AGBL1: variants seen among roughly 807,000 people sequenced by gnomAD.
AGBL1 encodes the protein AGBL carboxypeptidase 1, also known as cytosolic carboxypeptidase 4.
Under a neutral mutation model 118.9 loss-of-function variants are expected in AGBL1, and 130 were observed. That is an observed-to-expected ratio of 1.09 (90% CI 0.95 to 1.26). The LOEUF (loss-of-function observed/expected upper bound fraction) is 1.26. Ranked by LOEUF, AGBL1 falls within the 50% of genes most tolerant of loss-of-function variation. The pLI, the probability that AGBL1 is intolerant of heterozygous loss-of-function variation, is 0.00. For missense variants in AGBL1, 1,584 were observed against 1,298.1 expected (o/e 1.22, Z -3.38); for synonymous variants, 555 against 478.9 (o/e 1.16, Z -2.08).
chr15:86,271,502 A>G, intron 14 of AGBL1, 117 bp from the exon 15 acceptor site: 3 of 793,950 alleles, frequency 3.8e-6, no homozygotes, highest in Middle Eastern at 4.6e-4. Flanking sequence ...CTTTGGCGAT[A>G]TATAGTTAAC....
At chr15:86,982,082 C>A (rs1459145919) in intron 23 of AGBL1, among the ~76,000 whole-genome samples, 1 of 152,040 alleles carries the variant, frequency 6.6e-6, no homozygotes, top group Non-Finnish European at 1.5e-5. Context: ...ACGATGAAGG[C>A]CCCAGGTACC....
chr15:86,975,328 T>C (rs2081164046), intron 23 of AGBL1, among the ~76,000 whole-genome samples: 2 of 152,050 alleles, frequency 1.3e-5, no homozygotes, highest in South Asian at 4.2e-4. Flanking sequence ...CAAGAGAGCA[T>C]GTGCAGGGAA....
intron 17 of AGBL1, among the ~76,000 whole-genome samples, chr15:86,346,413 C>T (rs975726873): frequency 1.3e-5 from 2 of 151,530 alleles, no homozygotes; most frequent in African/African-American, 4.9e-5. Flanking sequence ...GTGGCGTGAT[C>T]TCGGCTCACT....
chr15:86,977,767 T>C (rs766363903), intron 23 of AGBL1, among the ~76,000 whole-genome samples: 9 of 152,052 alleles, frequency 5.9e-5, no homozygotes, highest in Non-Finnish European at 1.2e-4. Flanking sequence ...TTTTGTATGA[T>C]TATTTCTGAT....
chr15:86,612,077 G>A (rs929295521), intron 21 of AGBL1, among the ~76,000 whole-genome samples: 1 of 152,106 alleles, frequency 6.6e-6, no homozygotes, highest in African/African-American at 2.4e-5. Context: ...TAGTAATTGT[G>A]AGGGAAAGAG....
chr15:86,653,766 A>C (rs1342094652), intron 21 of AGBL1, among the ~76,000 whole-genome samples: 1 of 152,084 alleles, frequency 6.6e-6, no homozygotes, highest in East Asian at 1.9e-4. Flanking sequence ...ATGGCTTTCC[A>C]CTTGGTGCTC....
intron 1 of AGBL1, among the ~76,000 whole-genome samples, chr15:86,099,515 T>G (rs551984755): frequency 3.6e-4 from 55 of 152,176 alleles, no homozygotes; most frequent in Admixed American, 6.5e-4. Flanking sequence ...ACAATTTGAT[T>G]TCCTGTTTTC....
intron 22 of AGBL1, among the ~76,000 whole-genome samples, chr15:86,827,143 G>C (rs2079022327): frequency 6.7e-6 from 1 of 149,652 alleles, no homozygotes; most frequent in Admixed American, 6.7e-5. Flanking sequence ...GACTATTTGA[G>C]GGCTGTTAGA....
intron 15 of AGBL1, among the ~76,000 whole-genome samples, chr15:86,275,819 A>G (rs1250729448): frequency 1.3e-5 from 2 of 152,200 alleles, no homozygotes; most frequent in African/African-American, 2.4e-5. Context: ...CTGCTTCTCC[A>G]TCTAGATGAA....
At chr15:86,279,891 T>A in intron 16 of AGBL1, 108 bp downstream of exon 16, 1 of 1,407,282 alleles carries the variant, frequency 7.1e-7, no homozygotes, top group Non-Finnish European at 9.8e-7. Context: ...CAGAGGGGAA[T>A]GTAGGGGAAC....
At chr15:86,543,150 C>T (rs2083528285) in intron 19 of AGBL1, among the ~76,000 whole-genome samples, 1 of 151,318 alleles carries the variant, frequency 6.6e-6, no homozygotes, top group South Asian at 2.1e-4. Context: ...CAATTTATCT[C>T]CACATTTGAA....
At chr15:86,256,488 G>A (rs890636073) in intron 7 of AGBL1, among the ~76,000 whole-genome samples, 1 of 152,194 alleles carries the variant, frequency 6.6e-6, no homozygotes, top group Admixed American at 6.5e-5. Flanking sequence ...TGACACATGG[G>A]TGGCTGAGAA....
chr15:86,666,779 A>G (rs2085652540), intron 21 of AGBL1, among the ~76,000 whole-genome samples: 2 of 152,208 alleles, frequency 1.3e-5, no homozygotes, highest in African/African-American at 4.8e-5. Context: ...AGATATTATT[A>G]TGCTTATTAT....
At chr15:86,957,021 A>G (rs1174275977) in intron 23 of AGBL1, among the ~76,000 whole-genome samples, 1 of 152,122 alleles carries the variant, frequency 6.6e-6, no homozygotes, top group African/African-American at 2.4e-5. Flanking sequence ...GCACAAAAAG[A>G]AAAAACATGA....
At chr15:86,963,892 A>G (rs897943904) in intron 23 of AGBL1, among the ~76,000 whole-genome samples, 1 of 151,948 alleles carries the variant, frequency 6.6e-6, no homozygotes, top group African/African-American at 2.4e-5. Flanking sequence ...AAAGCCAGAG[A>G]TAAGAGATCT....
intron 1 of AGBL1, among the ~76,000 whole-genome samples, chr15:86,136,386 G>C (rs565807414): frequency 6.6e-6 from 1 of 152,158 alleles, no homozygotes; most frequent in African/African-American, 2.4e-5. Flanking sequence ...GAGAGGCCAG[G>C]CCACCACAGT....
intron 21 of AGBL1, among the ~76,000 whole-genome samples, chr15:86,617,739 C>CTG (rs2084749993): frequency 6.7e-6 from 1 of 149,714 alleles, no homozygotes; most frequent in South Asian, 2.1e-4. Flanking sequence ...AATGGCAATT[C>CTG]TGTGTGATTC....
chr15:86,839,160 A>G (rs991337873), intron 22 of AGBL1, among the ~76,000 whole-genome samples: 2 of 152,096 alleles, frequency 1.3e-5, no homozygotes, highest in Non-Finnish European at 2.9e-5. Context: ...ATGAACACCC[A>G]GCTGCATTCA....
intron 22 of AGBL1, among the ~76,000 whole-genome samples, chr15:86,745,905 A>G (rs2077749728): frequency 6.6e-6 from 1 of 152,026 alleles, no homozygotes; most frequent in Admixed American, 6.6e-5. Flanking sequence ...ACAGCCCAAC[A>G]CCATGGGCAC....
Sources: allele counts gnomAD v4.1 joint callset (sites outside exome capture counted in the v4.1 genomes callset), GRCh38; gene constraint gnomAD v4.1.1; transcripts MANE v1.5; gene names NCBI Gene and HGNC (gene_info 2026-07-23, HGNC 2026-07-21).